ACOT7: variants seen among roughly 807,000 people sequenced by gnomAD.
ACOT7 encodes cytosolic acyl coenzyme A thioester hydrolase.
A neutral mutation model predicts 40.2 loss-of-function variants in ACOT7; 12 were observed. That is an observed-to-expected ratio of 0.30 (90% CI 0.19 to 0.48). The LOEUF is 0.48. Among genes scored for constraint, ACOT7 ranks in the 20% least tolerant of loss-of-function variants. The pLI is 0.99. For synonymous variants in ACOT7, 228 were observed against 219.5 expected, an observed-to-expected ratio of 1.04 and a Z score of -0.34; for missense variants, 395 against 530.8, an observed-to-expected ratio of 0.74 and a Z score of 2.51.
At chr1:6,382,882 T>A (rs1642364958) in intron 1 of ACOT7, among the ~76,000 whole-genome samples, 1 of 150,890 alleles carries the variant, frequency 6.6e-6, no homozygotes, top group Non-Finnish European at 1.5e-5. Context: ...GTTTTTTTGT[T>A]TTTTTTTTGT....
chr1:6,390,698 G>A (rs1322564842), intron 1 of ACOT7, among the ~76,000 whole-genome samples: 2 of 151,880 alleles, frequency 1.3e-5, no homozygotes, highest in Non-Finnish European at 2.9e-5. Context: ...CACTTTGGGA[G>A]GCCGAGGCGG....
chr1:6,339,400 T>G (rs1557658103), intron 3 of ACOT7, 33 bp downstream of exon 3: 1 of 1,611,598 alleles, frequency 6.2e-7, no homozygotes, highest in Admixed American at 1.7e-5. Flanking sequence ...CGGCCCTTAC[T>G]GCTCCAGTCA....
Position 6,294,821 on chromosome 1 carries a change from C to T in ACOT7, c.829+43G>A, listed in dbSNP as rs1444478720. 7 of 1,556,258 alleles carry T rather than the reference C, an allele frequency of 4.5e-6. No homozygotes were observed. Among genetic ancestry groups the T allele is most frequent in the East Asian group, 4.5e-5 (2 of 44,482 alleles). On this transcript the variant is annotated intron_variant, in intron 7 of 8. Coordinates refer to ENST00000361521, the MANE Select transcript of ACOT7 (RefSeq NM_007274.4). The surrounding 1 kb of genome is among the most constrained non-coding windows in gnomAD (Gnocchi z 4.6). ...AAACTGGTGCAGGGACCCAAGCAGCCGAGGGCCACTGCCTCCCTCGTCTTT... is the reference window on the plus strand; with the variant it reads ...AAACTGGTGCAGGGACCCAAGCAGCTGAGGGCCACTGCCTCCCTCGTCTTT...
chr1:6,312,473 C>A (rs546525729), intron 6 of ACOT7, among the ~76,000 whole-genome samples: 1 of 98,532 alleles, frequency 1.0e-5, no homozygotes, highest in African/African-American at 3.8e-5. Flanking sequence ...TTCTTTATTT[C>A]TTTATTTCGA....
chr1:6,367,135 C>T (rs1454557402), intron 1 of ACOT7, among the ~76,000 whole-genome samples: 1 of 149,950 alleles, frequency 6.7e-6, no homozygotes, highest in Non-Finnish European at 1.5e-5. Flanking sequence ...GAAGGCAGAG[C>T]TTGCAGTGAG....
chr1:6,271,325 T>A (rs942621187), intron 8 of ACOT7, among the ~76,000 whole-genome samples: 1 of 152,218 alleles, frequency 6.6e-6, no homozygotes, highest in Non-Finnish European at 1.5e-5. Context: ...AGTGGTGATA[T>A]AACAACTTCC....
chr1:6,357,726 G>T (rs566672589), intron 1 of ACOT7, among the ~76,000 whole-genome samples: 6 of 152,150 alleles, frequency 3.9e-5, no homozygotes, highest in African/African-American at 1.2e-4. Flanking sequence ...GGGGGCGGGG[G>T]CCTCACACCA....
rs77034448 is a variant in ACOT7 at position 6,382,855 on chromosome 1, A to G, written c.143+10402T>C. ...CCATCTTAACCATATACATATACAC[A>G]TATCATTAAGATGGCAGTTTTTTTG... is the stretch of plus-strand genomic sequence containing the variant. On this transcript the variant is annotated intron_variant, in intron 1 of 8. Transcript: ENST00000361521. Among the ~76,000 whole-genome samples the G allele has an allele frequency of 4.4e-4, 66 of 151,588 alleles. No homozygotes were observed. In the East Asian group the frequency reaches 0.012, roughly 28 times the overall value.
chr1:6,391,606 C>A (rs1179077898), intron 1 of ACOT7, among the ~76,000 whole-genome samples: 1 of 152,326 alleles, frequency 6.6e-6, no homozygotes, highest in South Asian at 2.1e-4. Context: ...AAAGGCCAGC[C>A]TTCCACGGGA....
chr1:6,324,417 A>G (rs1640743415), intron 5 of ACOT7, among the ~76,000 whole-genome samples: 1 of 152,248 alleles, frequency 6.6e-6, no homozygotes, highest in Admixed American at 6.5e-5. Flanking sequence ...TGAATAACAC[A>G]TTCTGAAAAA....
At chr1:6,291,673 C>G (rs1382009732) in intron 7 of ACOT7, among the ~76,000 whole-genome samples, 1 of 152,196 alleles carries the variant, frequency 6.6e-6, no homozygotes, top group Non-Finnish European at 1.5e-5. Flanking sequence ...CCCCACCCGG[C>G]AGGGCAGCAG....
intron 2 of ACOT7, among the ~76,000 whole-genome samples, chr1:6,349,076 C>G (rs1040250527): frequency 6.6e-6 from 1 of 152,218 alleles, no homozygotes; most frequent in East Asian, 1.9e-4. Flanking sequence ...TGGCTTCCCC[C>G]CAACAGCCGC....
chr1:6,296,702 C>CA (rs1219110781), intron 6 of ACOT7, among the ~76,000 whole-genome samples: 1 of 152,082 alleles, frequency 6.6e-6, no homozygotes, highest in African/African-American at 2.4e-5. Context: ...GGATTACAGG[C>CA]ATGAGCCACC....
chr1:6,336,934 C>T lies in ACOT7; in HGVS notation c.418+2499G>A, dbSNP rs573279968. ...CACAGAGTGAGACAACAGCGGGCTC[C>T]GGGGCCTGACCAAGATATGGAGAAA... On this transcript the variant is annotated intron_variant, in intron 3 of 8. Transcript: ENST00000361521. Among the ~76,000 whole-genome samples, 11 of 152,280 alleles carry T rather than the reference C, an allele frequency of 7.2e-5. No individual in the cohort carries two copies. The South Asian group carries it at 1.9e-3, about 26-fold the overall frequency.
chr1:6,281,469 T>C (rs1473797998), intron 7 of ACOT7, among the ~76,000 whole-genome samples, 183 bp from the exon 8 acceptor site: 1 of 152,242 alleles, frequency 6.6e-6, no homozygotes, highest in African/African-American at 2.4e-5. Context: ...ATGTTTATCT[T>C]TCTAGTGAGC....
rs557292141 is a variant in ACOT7, at chr1:6,336,867, C to T, written c.418+2566G>A. Reference sequence around the variant, plus strand: ...GATGGCAGAGAAGCAGAAGCACAGACGAGGAGATGAGCGAGACAGAGGGGG... The same window carrying T: ...GATGGCAGAGAAGCAGAAGCACAGATGAGGAGATGAGCGAGACAGAGGGGG... On this transcript the variant is annotated intron_variant, in intron 3 of 8. Transcript: ENST00000361521. Among the ~76,000 whole-genome samples, 171 of 152,216 alleles carry T rather than the reference C, an allele frequency of 1.1e-3. 1 individual carries two copies. Among genetic ancestry groups the T allele is most frequent in the African/African-American group, 3.7e-3 (154 of 41,532 alleles).
intron 8 of ACOT7, among the ~76,000 whole-genome samples, chr1:6,269,368 C>T (rs1057295506): frequency 6.6e-6 from 1 of 152,216 alleles, no homozygotes; most frequent in Admixed American, 6.5e-5. Flanking sequence ...TCGGCACAGC[C>T]TAGGAGCACT....
At chr1:6,328,508 C>A (rs369562068) in intron 4 of ACOT7, among the ~76,000 whole-genome samples, 57 of 152,016 alleles carry the variant, frequency 3.7e-4, no homozygotes, top group Middle Eastern at 6.8e-3. Context: ...ATGGTGAAAC[C>A]CCGCCTCTAC....
Position 6,327,370 on chromosome 1 carries a change from T to G in ACOT7, c.554A>C (p.Glu185Ala). 6.2e-7 allele frequency: 1 copy of G among 1,614,202 alleles called. No homozygotes were observed. Among genetic ancestry groups the G allele is most frequent in the South Asian group, 1.1e-5 (1 of 91,082 alleles). Residue 185 changes from glutamate to alanine, a missense_variant, in exon 5 of 9, where the codon GAA (glutamate) becomes GCA (alanine). By Grantham distance (107) the Glu-to-Ala change is moderately radical (BLOSUM62 -1). This residue lies in a region of ACOT7 where 309 missense variants were observed against 470.3 expected (regional missense o/e 0.66). Transcript: ENST00000361521. Reference protein sequence around the residue: ...EQEEEGRKRYEAQKLERMETK... With the variant: ...EQEEEGRKRYAAQKLERMETK... ...CTCCATGCGCTCCAGCTTCTGGGCTTCATACCGCTTCCGGCCCTCCTCCTC... is the reference window on the plus strand; with the variant it reads ...CTCCATGCGCTCCAGCTTCTGGGCTGCATACCGCTTCCGGCCCTCCTCCTC...
Sources: gnomAD v4.1 joint callset for allele counts (sites outside exome capture counted in the v4.1 genomes callset) on GRCh38, gnomAD v4.1.1 for gene constraint, gnomAD v4.1.1 regional missense constraint, Gnocchi (gnomAD v3.1) non-coding constraint, MANE v1.5 for transcripts, NCBI Gene and HGNC (gene_info 2026-07-23, HGNC 2026-07-21) for gene names.